Variants in LGSN observed in about 807,000 individuals in gnomAD.
LGSN encodes the protein lengsin, lens protein with glutamine synthetase domain, also known as lengsin.
A neutral mutation model predicts 19.5 loss-of-function variants in LGSN; 21 were observed. The observed-to-expected ratio is 1.07, with a 90% CI of 0.76 to 1.55. LGSN has a LOEUF of 1.55. LGSN is among the 40% of genes most tolerant of loss of function. LGSN has a pLI of 0.00. For missense variants in LGSN, 673 were observed against 608.5 expected, an observed-to-expected ratio of 1.11 and a Z score of -1.12; for synonymous variants, 257 against 215.6, an observed-to-expected ratio of 1.19 and a Z score of -1.68.
At chr6:63,321,360 A>G (rs1769076792), upstream of LGSN, among the ~76,000 whole-genome samples, 1 of 152,166 alleles carries the variant, frequency 6.6e-6, no homozygotes, top group Non-Finnish European at 1.5e-5. Flanking sequence ...TCCCTTTCCT[A>G]TATCAAAGAA....
chr6:63,364,253 A>G, the LGSN span, among the ~76,000 whole-genome samples: 2 of 146,494 alleles, frequency 1.4e-5, no homozygotes, highest in African/African-American at 5.5e-5. Flanking sequence ...GCAAACGGAA[A>G]ACAAACAAAC....
the LGSN span, among the ~76,000 whole-genome samples, chr6:63,409,503 C>T: frequency 6.6e-6 from 1 of 152,152 alleles, no homozygotes; most frequent in Admixed American, 6.5e-5. Flanking sequence ...TTAACTATTT[C>T]TAACCATTAT....
the LGSN span, among the ~76,000 whole-genome samples, chr6:63,410,232 G>A: frequency 8.8e-3 from 1,339 of 152,140 alleles, 21 homozygotes; most frequent in African/African-American, 0.031. Flanking sequence ...GTTTCATAAT[G>A]TTTGTGGCTA....
At chr6:63,387,069 C>A in the LGSN span, among the ~76,000 whole-genome samples, 91 of 152,162 alleles carry the variant, frequency 6.0e-4, no homozygotes, top group African/African-American at 2.1e-3. Flanking sequence ...CCACCGTGCT[C>A]CAGCCTGGGC....
At chr6:63,549,638 G>T in the LGSN span, 1 of 473,390 alleles carries the variant, frequency 2.1e-6, no homozygotes, top group Non-Finnish European at 3.7e-6. Flanking sequence ...TACAAAAATG[G>T]AATCCTGTCA....
At chr6:63,384,489 T>TTGTGTGTGTG in the LGSN span, among the ~76,000 whole-genome samples, 567 of 131,558 alleles carry the variant, frequency 4.3e-3, 5 homozygotes, top group East Asian at 0.014. Flanking sequence ...AAATAACACC[T>TTGTGTGTGTG]TGTGTGTGTG....
At chr6:63,408,872 A>G in the LGSN span, among the ~76,000 whole-genome samples, 1 of 152,228 alleles carries the variant, frequency 6.6e-6, no homozygotes, top group African/African-American at 2.4e-5. Flanking sequence ...AAGTATTTCT[A>G]TATACTAGCA....
At chr6:63,572,354 C>T in the LGSN span, 1 of 289,424 alleles carries the variant, frequency 3.5e-6, no homozygotes, top group Non-Finnish European at 6.4e-6. Context: ...CGCGGAGTGA[C>T]GTCCGGAGGG....
the LGSN span, among the ~76,000 whole-genome samples, chr6:63,362,742 C>T: frequency 1.3e-5 from 2 of 152,216 alleles, no homozygotes; most frequent in Admixed American, 1.3e-4. Flanking sequence ...AGGAGGCCTG[C>T]CTGCCTCTGT....
the LGSN span, among the ~76,000 whole-genome samples, chr6:63,329,102 T>A: frequency 6.6e-6 from 1 of 152,212 alleles, no homozygotes; most frequent in African/African-American, 2.4e-5. Context: ...AATAGCCTGC[T>A]GGCACGAGGC....
At chr6:63,357,842 T>A in the LGSN span, among the ~76,000 whole-genome samples, 2 of 152,134 alleles carry the variant, frequency 1.3e-5, no homozygotes, top group African/African-American at 4.8e-5. Context: ...TTTAATTAGA[T>A]CCCATTTGTT....
At chr6:63,306,600 G>A (rs2079975044) in intron 1 of LGSN, among the ~76,000 whole-genome samples, 1 of 152,142 alleles carries the variant, frequency 6.6e-6, no homozygotes. Context: ...TTACAATCTA[G>A]TAGAGGCAAT....
chr6:63,427,042 TC>T, the LGSN span, among the ~76,000 whole-genome samples: 1 of 150,998 alleles, frequency 6.6e-6, no homozygotes, highest in Non-Finnish European at 1.5e-5. Flanking sequence ...TACAGACCTT[TC>T]CCTTTTTTTT....
chr6:63,401,801 G>C, the LGSN span, among the ~76,000 whole-genome samples: 1 of 152,174 alleles, frequency 6.6e-6, no homozygotes, highest in East Asian at 1.9e-4. Flanking sequence ...AGGGCAAAAG[G>C]CTGATTTAAG....
the LGSN span, among the ~76,000 whole-genome samples, chr6:63,393,993 C>T: frequency 9.7e-4 from 148 of 152,250 alleles, 2 homozygotes; most frequent in African/African-American, 3.2e-3. Flanking sequence ...TGCAACTGGG[C>T]GCGGTGGCTC....
At chr6:63,520,463 TCAAA>T in the LGSN span, among the ~76,000 whole-genome samples, 1 of 151,668 alleles carries the variant, frequency 6.6e-6, no homozygotes, top group East Asian at 1.9e-4. Flanking sequence ...CCCATCTGTA[TCAAA>T]AATACAAAAA....
the LGSN span, among the ~76,000 whole-genome samples, chr6:63,515,475 C>A: frequency 6.6e-6 from 1 of 152,162 alleles, no homozygotes; most frequent in African/African-American, 2.4e-5. Context: ...AGGAGACCTG[C>A]CTGCCTCAGC....
At chr6:63,442,166 C>T in the LGSN span, among the ~76,000 whole-genome samples, 2 of 152,040 alleles carry the variant, frequency 1.3e-5, no homozygotes, top group African/African-American at 4.8e-5. Flanking sequence ...TGCGTTTGTT[C>T]GTCCCTCCCA....
intron 1 of LGSN, 130 bp from the exon 2 acceptor site, chr6:63,295,175 T>A: frequency 1.2e-6 from 1 of 804,996 alleles, no homozygotes; most frequent in East Asian, 2.6e-5. Context: ...TGATGAAAAT[T>A]TTGTCACTTC....
Sources: gnomAD v4.1 joint callset for allele counts (sites outside exome capture counted in the v4.1 genomes callset) on GRCh38, gnomAD v4.1.1 for gene constraint, MANE v1.5 for transcripts, NCBI Gene and HGNC (gene_info 2026-07-23, HGNC 2026-07-21) for gene names.